Variants in MINK1 observed in about 807,000 individuals in gnomAD.
MINK1 encodes misshapen-like kinase 1.
Under a neutral mutation model 178.4 loss-of-function variants are expected in MINK1, and 46 were observed. The observed-to-expected ratio is 0.26, with a 90% CI of 0.20 to 0.33. The LOEUF (loss-of-function observed/expected upper bound fraction) is 0.33. Ranked by LOEUF, MINK1 falls within the 10% of genes least tolerant of loss-of-function variation. MINK1 has a pLI of 1.00. For synonymous variants in MINK1, 797 were observed against 709.7 expected, an observed-to-expected ratio of 1.12 and a Z score of -1.96; for missense variants, 1,366 against 1,814.9, an observed-to-expected ratio of 0.75 and a Z score of 4.49.
At chr17:4,871,947 T>C (rs561935311) in intron 1 of MINK1, among the ~76,000 whole-genome samples, 1 of 152,248 alleles carries the variant, frequency 6.6e-6, no homozygotes, top group African/African-American at 2.4e-5. Context: ...CCTGGACTTA[T>C]AGGATCCTCC....
intron 20 of MINK1, 111 bp downstream of exon 20, chr17:4,893,178 G>T (rs1969043669): frequency 2.5e-5 from 38 of 1,523,726 alleles, no homozygotes; most frequent in Non-Finnish European, 3.2e-5. Context: ...AAGGGCTGTG[G>T]GGATGGAGGG....
rs1017484564 is a variant in MINK1 at position 4,891,391 on chromosome 17, C to G, written c.1741-65C>G. 2.0e-6 allele frequency: 3 copies of G among 1,503,598 alleles called. No homozygotes were observed. The African/African-American group carries it at 4.2e-5, about 21-fold the overall frequency. 93.1% of individuals were successfully genotyped at this position (1,503,598 alleles called of 1,614,324 possible). Reference sequence around the variant, plus strand: ...GCTAAAGTCCTTTCCCACCCCAGACCCCAATTCGCAGGTGGGGATGTGCCA... The same window carrying G: ...GCTAAAGTCCTTTCCCACCCCAGACGCCAATTCGCAGGTGGGGATGTGCCA... On this transcript the variant is annotated intron_variant, in intron 15 of 31. Coordinates refer to ENST00000355280, the MANE Select transcript of MINK1 (RefSeq NM_153827.5).
chr17:4,841,700 A>T (rs1418076056), intron 1 of MINK1, among the ~76,000 whole-genome samples: 1 of 152,142 alleles, frequency 6.6e-6, no homozygotes, highest in Non-Finnish European at 1.5e-5. Context: ...CCCTGTAAAG[A>T]TGCTGAGCAC....
intron 4 of MINK1, among the ~76,000 whole-genome samples, chr17:4,882,599 T>C (rs1430330221): frequency 6.6e-6 from 1 of 152,188 alleles, no homozygotes; most frequent in Non-Finnish European, 1.5e-5. Context: ...GCAAACTTCT[T>C]CTGTGAAGGG....
chr17:4,885,698 CAG>C lies in MINK1; in HGVS notation c.639+88_639+89del. 6.4e-7 allele frequency: 1 copy of C among 1,563,048 alleles called. No individual in the cohort carries two copies. Among genetic ancestry groups the C allele is most frequent in the Non-Finnish European group, 8.7e-7 (1 of 1,145,148 alleles). On this transcript the variant is annotated intron_variant, in intron 7 of 31. Transcript: ENST00000355280. This position sits in a 1 kb window ranked among gnomAD's most constrained non-coding sequence, Gnocchi z 5.0. Reference sequence around the variant, plus strand: ...CACGGGGCCTGAGCAGGCTGGGGAACAGAGGAAGGTCAGATGATGTTAGCAGT... The same window carrying C: ...CACGGGGCCTGAGCAGGCTGGGGAACAGGAAGGTCAGATGATGTTAGCAGT...
Position 4,894,037 on chromosome 17 carries a change from G to A in MINK1, c.2614G>A (p.Glu872Lys), listed in dbSNP as rs780075596. ...CAGCACCATGGTGGTCCACGACGTC[G>A]AGGAGATCACCGGGACCCAGCCCCC... The part of the protein sequence containing the change: ...SVSTMVVHDV[E>K]EITGTQPPYG... Residue 872 changes from glutamate (E) to lysine (K), a missense_variant, in exon 22 of 32, where the codon GAG (glutamate) becomes AAG (lysine). By Grantham distance (56) the Glu-to-Lys change is moderately conservative (BLOSUM62 1). Transcript: ENST00000355280. The surrounding 1 kb of genome is among the most constrained non-coding windows in gnomAD (Gnocchi z 4.1). The A allele has an allele frequency of 5.7e-6, 9 of 1,590,384 alleles. No homozygotes were observed. The highest frequency in any genetic ancestry group is 2.2e-5 in the South Asian group (2 of 88,902).
At position 4,894,154 on chromosome 17, in the gene MINK1, C is replaced by A; in HGVS notation, c.2671-20C>A. On this transcript the variant is annotated intron_variant, in intron 22 of 31. Coordinates refer to ENST00000355280, the MANE Select transcript of MINK1 (RefSeq NM_153827.5). This position sits in a 1 kb window ranked among gnomAD's most constrained non-coding sequence, Gnocchi z 4.1. ...TGTGCCCTCCTCAGCCCCACGCCAACCCTGCCCTCTGTCCTGTAGACCCCT... is the reference window on the plus strand; with the variant it reads ...TGTGCCCTCCTCAGCCCCACGCCAAACCTGCCCTCTGTCCTGTAGACCCCT... The A allele has an allele frequency of 6.2e-7, 1 of 1,613,224 alleles. No homozygotes were observed. Among genetic ancestry groups the A allele is most frequent in the Non-Finnish European group, 8.5e-7 (1 of 1,179,494 alleles).
At chr17:4,892,308 T>A in intron 17 of MINK1, 74 bp downstream of exon 17, 1 of 1,480,018 alleles carries the variant, frequency 6.8e-7, no homozygotes, top group Non-Finnish European at 9.1e-7. Flanking sequence ...ACAGGGACTT[T>A]ACCAGCCTAC....
chr17:4,892,921 G>A, intron 19 of MINK1, 58 bp from the exon 20 acceptor site: 1 of 1,465,352 alleles, frequency 6.8e-7, no homozygotes, highest in Non-Finnish European at 9.3e-7. Flanking sequence ...CTCAGGGTGT[G>A]GGCTTGAGGC....
chr17:4,895,658 T>C lies in MINK1; in HGVS notation c.3230-40T>C. On this transcript the variant is annotated intron_variant, in intron 26 of 31. Coordinates refer to ENST00000355280, the MANE Select transcript of MINK1 (RefSeq NM_153827.5). The surrounding 1 kb of genome is among the most constrained non-coding windows in gnomAD (Gnocchi z 4.3). ...AGGGCGGTGGCATTCGGGCCTCAGATGAGAATGGGGGCGGGTGTGTATGTC... is the reference window on the plus strand; with the variant it reads ...AGGGCGGTGGCATTCGGGCCTCAGACGAGAATGGGGGCGGGTGTGTATGTC... 6.2e-7 allele frequency: 1 copy of C among 1,604,762 alleles called. No homozygotes were observed. Among genetic ancestry groups the C allele is most frequent in the African/African-American group, 1.3e-5 (1 of 74,826 alleles).
rs377020051 is a variant in MINK1, at chr17:4,886,136, C to T, written c.711C>T (p.His237=). Residue 237 remains histidine, a synonymous_variant, in exon 9 of 32, where the codon CAC becomes CAT. Transcript: ENST00000355280. The surrounding 1 kb of genome is among the most constrained non-coding windows in gnomAD (Gnocchi z 6.1). ...AEGAPPLCDM[H]PMRALFLIPR... Reference sequence around the variant, plus strand: ...TGTGTCCAGCTCTGTGTGACATGCACCCCATGCGAGCCCTCTTCCTCATTC... The same window carrying T: ...TGTGTCCAGCTCTGTGTGACATGCATCCCATGCGAGCCCTCTTCCTCATTC... 6.2e-7 allele frequency: 1 copy of T among 1,613,940 alleles called. No homozygotes were observed. The highest frequency in any genetic ancestry group is 8.5e-7 in the Non-Finnish European group (1 of 1,179,868).
chr17:4,837,480 G>A (rs1210710823), intron 1 of MINK1, among the ~76,000 whole-genome samples: 1 of 152,214 alleles, frequency 6.6e-6, no homozygotes, highest in Non-Finnish European at 1.5e-5. Flanking sequence ...ACCTTGTCTG[G>A]GGTAAACAGT....
In MINK1 at chr17:4,896,358, C is replaced by A. The variant is rs1286894879; in HGVS notation, c.3615+16C>A. The A allele has an allele frequency of 6.2e-7, 1 of 1,601,194 alleles. No individual in the cohort carries two copies. On this transcript the variant is annotated intron_variant, in intron 29 of 31. Transcript: ENST00000355280. The surrounding 1 kb of genome is among the most constrained non-coding windows in gnomAD (Gnocchi z 4.6). The stretch of plus-strand genomic sequence containing the variant: ...CCCTGTGCACGTGAGCTTGGCGGGG[C>A]TGCTGGGGGAGTGGGATGGCCCAGT...
rs1010544941 is a variant in MINK1 at position 4,894,420 on chromosome 17, C to T, written c.2809-105C>T. 25 of 1,528,922 alleles carry T rather than the reference C, an allele frequency of 1.6e-5. No individual in the cohort carries two copies. The highest frequency in any genetic ancestry group is 2.1e-5 in the Non-Finnish European group (24 of 1,128,208). 94.7% of individuals were successfully genotyped at this position (1,528,922 alleles called of 1,614,324 possible). A position where few individuals can be genotyped will look rare whatever the true frequency, so the allele number is the denominator to read the frequency against. ...ATGGGGCGGAGCGCTGGGAGCTGGACAGCGGGGGTGCCAGTTGGGGAGCTG... is the reference window on the plus strand; with the variant it reads ...ATGGGGCGGAGCGCTGGGAGCTGGATAGCGGGGGTGCCAGTTGGGGAGCTG... On this transcript the variant is annotated intron_variant, in intron 23 of 31. Coordinates refer to ENST00000355280, the MANE Select transcript of MINK1 (RefSeq NM_153827.5). This position sits in a 1 kb window ranked among gnomAD's most constrained non-coding sequence, Gnocchi z 4.1.
intron 21 of MINK1, 25 bp downstream of exon 21, chr17:4,893,622 C>G: frequency 6.6e-7 from 1 of 1,513,772 alleles, no homozygotes; most frequent in Non-Finnish European, 8.9e-7. Flanking sequence ...GTGGGGCCCT[C>G]CCACTCCAAG....
chr17:4,856,437 C>CTTT (rs557450778), intron 1 of MINK1, among the ~76,000 whole-genome samples: 6 of 149,570 alleles, frequency 4.0e-5, no homozygotes, highest in African/African-American at 1.2e-4. Flanking sequence ...CTCACACTCT[C>CTTT]TTTTTTTTTT....
At position 4,896,777 on chromosome 17, in the gene MINK1, T is replaced by C. The variant is rs770732686; in HGVS notation, c.3879T>C (p.Ala1293=). 1 of 1,586,030 alleles carries C rather than the reference T, an allele frequency of 6.3e-7. No homozygotes were observed. Among genetic ancestry groups the C allele is most frequent in the East Asian group, 2.2e-5 (1 of 44,708 alleles). ...ACGGGGTCTTCATGCACAAACGAGC[T>C]CAGAGGCTCAAGTTCCTGTGTGAGC... ...HLDGVFMHKR[A]QRLKFLCERN... Residue 1293 remains alanine, a synonymous_variant, in exon 31 of 32, where the codon GCT becomes GCC. Coordinates refer to ENST00000355280, the MANE Select transcript of MINK1 (RefSeq NM_153827.5). This position sits in a 1 kb window ranked among gnomAD's most constrained non-coding sequence, Gnocchi z 4.6.
intron 1 of MINK1, among the ~76,000 whole-genome samples, chr17:4,865,765 T>C (rs1436213003): frequency 6.8e-6 from 1 of 146,936 alleles, no homozygotes; most frequent in Non-Finnish European, 1.5e-5. Flanking sequence ...GAGTGGTGTG[T>C]GTGCTTGTAG....
chr17:4,893,756 C>T, intron 21 of MINK1, 159 bp downstream of exon 21: 1 of 1,164,324 alleles, frequency 8.6e-7, no homozygotes, highest in South Asian at 1.7e-5. Flanking sequence ...TCTCCCGCTG[C>T]CCTGTGTGTT....
Sources: gnomAD v4.1 joint callset for allele counts (sites outside exome capture counted in the v4.1 genomes callset) on GRCh38, gnomAD v4.1.1 for gene constraint, Gnocchi (gnomAD v3.1) non-coding constraint, MANE v1.5 for transcripts, NCBI Gene and HGNC (gene_info 2026-07-23, HGNC 2026-07-21) for gene names.